The following ANO10 variants were observed in gnomAD, a reference collection of about 807,000 sequenced individuals.
The protein encoded by ANO10 is anoctamin-10.
ANO10 carries 77 observed loss-of-function variants against 74.7 expected under a neutral mutation model. The observed-to-expected ratio is 1.03, with a 90% CI of 0.86 to 1.25. The LOEUF is 1.25. Ranked by LOEUF, ANO10 falls within the 50% of genes most tolerant of loss-of-function variation. The pLI is 0.00. For missense variants in ANO10, 721 were observed against 778.1 expected (o/e 0.93, Z 0.87); for synonymous variants, 279 against 284.9 (o/e 0.98, Z 0.21).
intron 12 of ANO10, 54 bp from the exon 13 acceptor site, chr3:43,367,028 G>A (rs536682474): frequency 2.0e-5 from 30 of 1,511,040 alleles, no homozygotes; most frequent in Admixed American, 9.7e-5. Flanking sequence ...AGTAGTGGCC[G>A]AGGCCTCTGC....
At chr3:43,684,814 A>T (rs1277823263) in intron 1 of ANO10, among the ~76,000 whole-genome samples, 1 of 152,196 alleles carries the variant, frequency 6.6e-6, no homozygotes, top group Non-Finnish European at 1.5e-5. Flanking sequence ...CATCATTCTC[A>T]GCAAACTATT....
upstream of ANO10, among the ~76,000 whole-genome samples, chr3:43,626,935 T>C (rs1293228556): frequency 5.1e-5 from 3 of 58,346 alleles, no homozygotes; most frequent in Non-Finnish European, 9.3e-5. Context: ...CACCCAGCAG[T>C]TCCTGTATTT....
At chr3:43,394,274 C>T (rs994508802) in intron 12 of ANO10, among the ~76,000 whole-genome samples, 1 of 152,136 alleles carries the variant, frequency 6.6e-6, no homozygotes, top group African/African-American at 2.4e-5. Flanking sequence ...CTGTGACCTG[C>T]CTATGATCTC....
At chr3:43,663,024 C>T (rs536270899) in intron 1 of ANO10, among the ~76,000 whole-genome samples, 19 of 152,302 alleles carry the variant, frequency 1.2e-4, no homozygotes, top group African/African-American at 4.6e-4. Flanking sequence ...AAGAGGGAAT[C>T]CTCCCTAACT....
chr3:43,444,921 A>G (rs1383527250), intron 11 of ANO10, among the ~76,000 whole-genome samples: 1 of 152,118 alleles, frequency 6.6e-6, no homozygotes, highest in Admixed American at 6.6e-5. Flanking sequence ...CAGGAGATCG[A>G]GACCATCCTG....
At chr3:43,452,167 T>TA (rs925345353) in intron 11 of ANO10, among the ~76,000 whole-genome samples, 11 of 152,304 alleles carry the variant, frequency 7.2e-5, no homozygotes, top group South Asian at 2.1e-4. Flanking sequence ...TTCTTGTTTT[T>TA]AAAAAAACCA....
At position 43,580,479 on chromosome 3, in the gene ANO10, A is replaced by G. The variant is rs1344136098; in HGVS notation, c.473-7T>C. On this transcript the variant is annotated splice_region_variant and splice_polypyrimidine_tract_variant and intron_variant, in intron 4 of 12. Transcript: ENST00000292246. ...GACGTGAGCAATCTTCTCACTGCACAGGGAAAATGTGCCAAACTGCATGAA... is the reference window on the plus strand; with the variant it reads ...GACGTGAGCAATCTTCTCACTGCACGGGGAAAATGTGCCAAACTGCATGAA... 4 of 1,613,286 alleles carry G rather than the reference A, an allele frequency of 2.5e-6. No homozygotes were observed. Among genetic ancestry groups the G allele is most frequent in the Admixed American group, 1.7e-5 (1 of 60,024 alleles).
At chr3:43,382,498 G>A (rs1464728932) in intron 12 of ANO10, among the ~76,000 whole-genome samples, 2 of 146,382 alleles carry the variant, frequency 1.4e-5, no homozygotes, top group Admixed American at 6.8e-5. Flanking sequence ...CAGCCTGGGC[G>A]ACAGAGCGAG....
At chr3:43,445,784 C>G (rs1200323517) in intron 11 of ANO10, among the ~76,000 whole-genome samples, 1 of 152,264 alleles carries the variant, frequency 6.6e-6, no homozygotes, top group East Asian at 1.9e-4. Context: ...ACTACAACCT[C>G]TGCTTGCCGA....
chr3:43,429,821 T>A (rs2092954610), intron 12 of ANO10, among the ~76,000 whole-genome samples: 1 of 152,200 alleles, frequency 6.6e-6, no homozygotes, highest in South Asian at 2.1e-4. Flanking sequence ...ATTGAGGAAT[T>A]TAGTTATCTC....
chr3:43,426,255 C>T (rs2092898806), intron 12 of ANO10, among the ~76,000 whole-genome samples: 1 of 152,240 alleles, frequency 6.6e-6, no homozygotes, highest in African/African-American at 2.4e-5. Context: ...GACCTCGAGA[C>T]TGTTCCCTGG....
rs371007285 is a variant in ANO10, at chr3:43,643,321, G to A, written c.-11-37458C>T. ...GCTGGGATTACAGGGTTGAGCCACCGCGCCCTGCCTGAGATGTATTTTCAA... is the reference window on the plus strand; with the variant it reads ...GCTGGGATTACAGGGTTGAGCCACCACGCCCTGCCTGAGATGTATTTTCAA... On this transcript the variant is annotated intron_variant, in intron 1 of 3. Transcript: ENST00000413397. 5.2e-4 allele frequency among the ~76,000 whole-genome samples: 79 copies of A among 151,916 alleles called. 1 individual carries two copies. The highest frequency in any genetic ancestry group is 1.9e-3 in the African/African-American group (77 of 41,238).
intron 12 of ANO10, among the ~76,000 whole-genome samples, chr3:43,380,529 G>A (rs1169592448): frequency 6.6e-6 from 1 of 152,132 alleles, no homozygotes; most frequent in Non-Finnish European, 1.5e-5. Context: ...AAGGGATTGG[G>A]GTCCTATCTT....
chr3:43,597,350 T>C (rs1697912774), intron 4 of ANO10, among the ~76,000 whole-genome samples: 1 of 152,182 alleles, frequency 6.6e-6, no homozygotes, highest in Non-Finnish European at 1.5e-5. Flanking sequence ...TAGCAAAGAC[T>C]TGGAACCATC....
chr3:43,485,947 T>C, intron 11 of ANO10: 1 of 231,878 alleles, frequency 4.3e-6, no homozygotes, highest in South Asian at 4.5e-5. Flanking sequence ...TTAATTGCAC[T>C]TGAAGAAAAT....
Position 43,681,543 on chromosome 3 carries a change from T to C in ANO10, c.-12+9974A>G, listed in dbSNP as rs1363993534. On this transcript the variant is annotated intron_variant, in intron 1 of 3. Coordinates refer to the ANO10 transcript ENST00000413397. ...ACGAGACAGAAAGTAAACAAGGATA[T>C]CCAGGAATTGAACTCAGCTCTGCAC... Among the ~76,000 whole-genome samples, 4 of 152,014 alleles carry C rather than the reference T, an allele frequency of 2.6e-5. 1 individual carries two copies. Among genetic ancestry groups the C allele is most frequent in the East Asian group, 1.9e-4 (1 of 5,172 alleles).
At chr3:43,409,130 C>T (rs1320718916) in intron 12 of ANO10, among the ~76,000 whole-genome samples, 4 of 152,118 alleles carry the variant, frequency 2.6e-5, no homozygotes, top group African/African-American at 9.7e-5. Flanking sequence ...ATGAACAGTA[C>T]CTAAAGTTAA....
At chr3:43,560,450 T>C (rs1023931938) in intron 9 of ANO10, among the ~76,000 whole-genome samples, 2 of 152,176 alleles carry the variant, frequency 1.3e-5, no homozygotes, top group Non-Finnish European at 2.9e-5. Flanking sequence ...GATAAACTCA[T>C]TCAAGATGAA....
intron 1 of ANO10, among the ~76,000 whole-genome samples, chr3:43,631,009 A>G (rs1277442940): frequency 6.6e-6 from 1 of 152,186 alleles, no homozygotes. Flanking sequence ...CCTGGCTGGA[A>G]GGAGTTTGAC....
Sources: allele counts gnomAD v4.1 joint callset (sites outside exome capture counted in the v4.1 genomes callset), GRCh38; gene constraint gnomAD v4.1.1; transcripts MANE v1.5; gene names NCBI Gene and HGNC (gene_info 2026-07-23, HGNC 2026-07-21).